Variants in MYO1H observed in about 807,000 individuals in gnomAD.
MYO1H encodes unconventional myosin-Ih.
Under a neutral mutation model 149.3 loss-of-function variants are expected in MYO1H, and 118 were observed. The ratio of observed to expected loss-of-function variants is 0.79; its 90% confidence interval spans 0.68 to 0.92. The LOEUF (loss-of-function observed/expected upper bound fraction) is 0.92, where lower values mean the gene tolerates loss of function less well. Ranked by LOEUF, MYO1H falls within the 40% of genes least tolerant of loss-of-function variation. The pLI, the probability that MYO1H is intolerant of heterozygous loss-of-function variation, is 0.00. For synonymous variants in MYO1H, 447 were observed against 465.2 expected (o/e 0.96, Z 0.50); for missense variants, 1,212 against 1,280.7 (o/e 0.95, Z 0.82).
intron 15 of MYO1H, among the ~76,000 whole-genome samples, chr12:109,419,691 G>A (rs1262540352): frequency 1.3e-5 from 2 of 151,898 alleles, no homozygotes; most frequent in Admixed American, 1.3e-4. Context: ...GGGACTACAG[G>A]CATGCACCAC....
chr12:109,343,093 AAAAG>A (rs1337525409), upstream of MYO1H, among the ~76,000 whole-genome samples: 3 of 151,970 alleles, frequency 2.0e-5, no homozygotes, highest in African/African-American at 7.3e-5. Flanking sequence ...TTAACTCTGA[AAAAG>A]AAAAAAAATT....
At chr12:109,408,172 T>C (rs955628772) in intron 10 of MYO1H, among the ~76,000 whole-genome samples, 5 of 152,192 alleles carry the variant, frequency 3.3e-5, no homozygotes, top group Non-Finnish European at 5.9e-5. Flanking sequence ...AGAAACTTTT[T>C]ATTTTTTATT....
chr12:109,408,790 T>C (rs1311818936), intron 10 of MYO1H, among the ~76,000 whole-genome samples: 1 of 151,412 alleles, frequency 6.6e-6, no homozygotes. Context: ...ATACATTATC[T>C]CTTTTTTATT....
At chr12:109,445,289 C>G (rs764886779) in intron 30 of MYO1H, 6 of 460,716 alleles carry the variant, frequency 1.3e-5, no homozygotes, top group Non-Finnish European at 2.3e-5. Flanking sequence ...CTTTGAAGAA[C>G]TGAATGTGCT....
At chr12:109,351,504 A>G (rs1318832779) in intron 1 of MYO1H, among the ~76,000 whole-genome samples, 1 of 152,238 alleles carries the variant, frequency 6.6e-6, no homozygotes, top group Non-Finnish European at 1.5e-5. Context: ...CATCTAAAAG[A>G]TTAGACATTG....
At chr12:109,324,936 C>A in the MYO1H span, among the ~76,000 whole-genome samples, 1 of 151,996 alleles carries the variant, frequency 6.6e-6, no homozygotes, top group Non-Finnish European at 1.5e-5. Flanking sequence ...GTGTTCTTAT[C>A]GTTCAACTCC....
chr12:109,407,829 C>A lies in MYO1H; in HGVS notation c.1071C>A (p.Tyr357Ter). ...CGTTGACACTAGAACTCTCTGTCTA[C>A]GCTAGAGATGCAATGGCAAAGGCTG... is the stretch of plus-strand genomic sequence containing the variant. Residue 357 changes from tyrosine (Y) to a stop codon, truncating the protein, a stop_gained, in exon 10 of 32, where the codon TAC becomes TAA. Coordinates refer to ENST00000310903, the Ensembl canonical transcript of MYO1H. LOFTEE classifies it high-confidence loss of function. The A allele has an allele frequency of 6.2e-7, 1 of 1,613,568 alleles. No homozygotes were observed. Among genetic ancestry groups the A allele is most frequent in the Non-Finnish European group, 8.5e-7 (1 of 1,179,580 alleles).
chr12:109,314,715 C>T, the MYO1H span, among the ~76,000 whole-genome samples: 1 of 152,194 alleles, frequency 6.6e-6, no homozygotes, highest in African/African-American at 2.4e-5. Flanking sequence ...GCACCTGATG[C>T]TAGAAGGTGC....
intron 16 of MYO1H, among the ~76,000 whole-genome samples, chr12:109,422,423 C>T (rs1295131947): frequency 2.0e-5 from 3 of 152,164 alleles, no homozygotes; most frequent in African/African-American, 4.8e-5. Flanking sequence ...TGCTGGGGAC[C>T]GTGTGGCAGG....
intron 23 of MYO1H, 62 bp from the exon 24 acceptor site, chr12:109,439,569 A>C: frequency 5.1e-5 from 77 of 1,508,432 alleles, no homozygotes; most frequent in African/African-American, 6.8e-5. Context: ...AGAAGGGGGA[A>C]GAGAATGTAA....
chr12:109,398,857 T>G (rs1870030505), intron 5 of MYO1H, among the ~76,000 whole-genome samples: 1 of 152,170 alleles, frequency 6.6e-6, no homozygotes, highest in African/African-American at 2.4e-5. Flanking sequence ...GTAAGTATTT[T>G]AGGCTTTGTG....
chr12:109,329,798 A>T, the MYO1H span, among the ~76,000 whole-genome samples: 70 of 152,300 alleles, frequency 4.6e-4, no homozygotes, highest in Non-Finnish European at 9.0e-4. Flanking sequence ...TATGCCAGTG[A>T]TTATGCCGAG....
intron 15 of MYO1H, among the ~76,000 whole-genome samples, chr12:109,419,468 G>A (rs1262817616): frequency 1.3e-5 from 2 of 152,090 alleles, no homozygotes; most frequent in Non-Finnish European, 2.9e-5. Context: ...TTGGCTTTCT[G>A]TGGGGGGAGT....
At chr12:109,312,790 G>GTTTTT in the MYO1H span, among the ~76,000 whole-genome samples, 1 of 145,532 alleles carries the variant, frequency 6.9e-6, no homozygotes. Context: ...GTTTTGTTTT[G>GTTTTT]TTTTTTTTTT....
Position 109,443,216 on chromosome 12 carries a change from ATATG to A in MYO1H, c.2689-296_2689-293del, listed in dbSNP as rs1344093961. On this transcript the variant is annotated intron_variant, in intron 27 of 31. Coordinates refer to ENST00000310903, the Ensembl canonical transcript of MYO1H. ...CGTATATGTGTGTATATGTGTACGT[ATATG>A]TGTGTGTATATGTGTACGTATATGT... 1.2e-4 allele frequency among the ~76,000 whole-genome samples: 9 copies of A among 74,216 alleles called. 1 individual carries two copies. Among genetic ancestry groups the A allele is most frequent in the Admixed American group, 2.3e-4 (2 of 8,516 alleles). The allele number at this position is 74,216 out of a possible 152,430, so 48.7% of individuals were successfully genotyped here. A position where few individuals can be genotyped will look rare whatever the true frequency, so the allele number is the denominator to read the frequency against.
chr12:109,377,143 C>A (rs1202548560), intron 1 of MYO1H, among the ~76,000 whole-genome samples: 2 of 152,160 alleles, frequency 1.3e-5, no homozygotes, highest in Non-Finnish European at 2.9e-5. Context: ...TAAGCAGTTT[C>A]CACTCATGTT....
chr12:109,366,114 G>A (rs868868041), intron 1 of MYO1H, among the ~76,000 whole-genome samples: 9 of 152,206 alleles, frequency 5.9e-5, no homozygotes, highest in Middle Eastern at 3.4e-3. Context: ...TGTCTTCCAC[G>A]AAACCAGTCC....
At chr12:109,367,285 C>T (rs1868884216) in intron 1 of MYO1H, among the ~76,000 whole-genome samples, 1 of 152,082 alleles carries the variant, frequency 6.6e-6, no homozygotes, top group Non-Finnish European at 1.5e-5. Flanking sequence ...ATAAGTTCTC[C>T]TTAGACCCTT....
chr12:109,383,187 A>G (rs2137027132), intron 1 of MYO1H, among the ~76,000 whole-genome samples: 1 of 152,304 alleles, frequency 6.6e-6, no homozygotes, highest in East Asian at 1.9e-4. Context: ...TTCTTATAAC[A>G]TTTCCCTTGA....
Sources: allele counts gnomAD v4.1 joint callset (sites outside exome capture counted in the v4.1 genomes callset), GRCh38; gene constraint gnomAD v4.1.1; transcripts MANE v1.5; gene names NCBI Gene and HGNC (gene_info 2026-07-23, HGNC 2026-07-21).